Variants in FAM217A observed in about 807,000 individuals in gnomAD.
FAM217A encodes protein FAM217A.
A neutral mutation model predicts 18.5 loss-of-function variants in FAM217A; 13 were observed. The observed-to-expected ratio is 0.70, with a 90% confidence interval of 0.46 to 1.12. FAM217A has a LOEUF of 1.12. FAM217A is among the 50% of genes most tolerant of loss of function. FAM217A has a pLI of 0.00. For missense variants in FAM217A, 560 were observed against 575.4 expected (o/e 0.97, Z 0.27); for synonymous variants, 161 against 202.8 (o/e 0.79, Z 1.75).
At chr6:4,077,642 G>A (rs1266756122) in intron 1 of FAM217A, among the ~76,000 whole-genome samples, 194 bp from the exon 2 acceptor site, 1 of 151,598 alleles carries the variant, frequency 6.6e-6, no homozygotes, top group Non-Finnish European at 1.5e-5. Flanking sequence ...CTCAAAAGGA[G>A]CACAGACAAC....
At chr6:4,080,911 CAA>C (rs11300347), upstream of FAM217A, among the ~76,000 whole-genome samples, 76 of 136,906 alleles carry the variant, frequency 5.6e-4, no homozygotes, top group African/African-American at 7.7e-4. Flanking sequence ...AGAAAAAATA[CAA>C]AAAAAAAAAA....
intron 2 of FAM217A, among the ~76,000 whole-genome samples, chr6:4,076,146 T>G (rs1291168690): frequency 6.6e-6 from 1 of 151,920 alleles, no homozygotes; most frequent in Non-Finnish European, 1.5e-5. Flanking sequence ...CTGGCCAACA[T>G]GTCGAAACCC....
In FAM217A at chr6:4,069,764, A is replaced by G. The variant is rs1769281640; in HGVS notation, c.459T>C (p.Tyr153=). ...LPMPLGLCWP[Y]ADGDFFKNRN... The stretch of plus-strand genomic sequence containing the variant: ...TGTTCTTAAAAAAGTCTCCATCAGC[A>G]TAGGGCCAGCAGAGACCTAATGGCA... The change falls in exon 7 of 7, where the codon TAT becomes TAC. Residue 153 remains tyrosine, a synonymous_variant. Transcript: ENST00000274673. The G allele has an allele frequency of 2.5e-6, 4 of 1,614,076 alleles. No individual in the cohort carries two copies. The South Asian group carries it at 4.4e-5, about 18-fold the overall frequency.
Position 4,068,853 on chromosome 6 carries a change from T to A in FAM217A, c.1370A>T (p.Glu457Val). The A allele has an allele frequency of 6.2e-7, 1 of 1,614,192 alleles. No individual in the cohort carries two copies. Among genetic ancestry groups the A allele is most frequent in the Non-Finnish European group, 8.5e-7 (1 of 1,180,006 alleles). The stretch of plus-strand genomic sequence containing the variant: ...GTTTCTCTTCGGTGCCTTAATTTCT[T>A]CCTTCTGATTTTCGGGAAAAGTCAG... ...IPLTFPENQK[E>V]EIKAPKRNFG... is the part of the protein sequence containing the mutation. The change falls in exon 7 of 7, where the codon GAA becomes GTA. Residue 457 changes from glutamate to valine, a missense_variant. By Grantham distance (121) the Glu-to-Val change is moderately radical (BLOSUM62 -2). Coordinates refer to ENST00000274673, the MANE Select transcript of FAM217A (RefSeq NM_173563.3).
chr6:4,078,010 C>CA (rs1769954302), intron 1 of FAM217A, among the ~76,000 whole-genome samples: 1 of 150,552 alleles, frequency 6.6e-6, no homozygotes, highest in African/African-American at 2.4e-5. Flanking sequence ...ACAAGCAAAA[C>CA]AGTCACTGGA....
intron 4 of FAM217A, among the ~76,000 whole-genome samples, 157 bp from the exon 5 acceptor site, chr6:4,073,664 C>T (rs1769568977): frequency 1.3e-5 from 2 of 152,102 alleles, no homozygotes; most frequent in Admixed American, 6.5e-5. Context: ...CTGATTTCAG[C>T]AGAAATTAGT....
chr6:4,069,339 C>G lies in FAM217A; in HGVS notation c.884G>C (p.Arg295Pro), dbSNP rs1769238721. 1.9e-6 allele frequency: 3 copies of G among 1,613,776 alleles called. No individual in the cohort carries two copies. Among genetic ancestry groups the G allele is most frequent in the South Asian group, 2.2e-5 (2 of 91,054 alleles). ...HLITRLLELE[R>P]LQHMTIQKER... ...TTTTTGAATAGTCATATGTTGTAAT[C>G]GTTCTAGTTCCAGTAAACGAGTTAT... The change falls in exon 7 of 7, where the codon CGA becomes CCA. Residue 295 changes from arginine to proline, a missense_variant. Transcript: ENST00000274673.
chr6:4,073,425 A>T lies in FAM217A; in HGVS notation c.234+8T>A. The stretch of plus-strand genomic sequence containing the variant: ...AATATTTTAAGGGTATGAAGAATAA[A>T]ATCCCACCTGTGTACTTTTTTGACT... On this transcript the variant is annotated splice_region_variant and intron_variant, in intron 5 of 6. Coordinates refer to ENST00000274673, the MANE Select transcript of FAM217A (RefSeq NM_173563.3). 1 of 1,611,056 alleles carries T rather than the reference A, an allele frequency of 6.2e-7. No homozygotes were observed. Among genetic ancestry groups the T allele is most frequent in the South Asian group, 1.1e-5 (1 of 90,394 alleles).
intron 1 of FAM217A, among the ~76,000 whole-genome samples, chr6:4,077,856 G>A (rs1769940556): frequency 6.6e-6 from 1 of 152,042 alleles, no homozygotes; most frequent in Non-Finnish European, 1.5e-5. Context: ...TTACAACTAG[G>A]CCAGGCAAGC....
chr6:4,068,955 G>T lies in FAM217A; in HGVS notation c.1268C>A (p.Thr423Lys). The T allele has an allele frequency of 6.2e-7, 1 of 1,614,110 alleles. No homozygotes were observed. The highest frequency in any genetic ancestry group is 8.5e-7 in the Non-Finnish European group (1 of 1,179,996). ...GACCATTTTAACCATTGATTGATTT[G>T]TATGGCCAATAGTAGGTTTGAATGA... ...ELSFKPTIGH[T>K]NQSMVKMVST... Residue 423 changes from threonine (T) to lysine (K), a missense_variant, in exon 7 of 7, where the codon ACA becomes AAA. Coordinates refer to ENST00000274673, the MANE Select transcript of FAM217A (RefSeq NM_173563.3).
At chr6:4,087,032 T>G, upstream of FAM217A, 1 of 399,136 alleles carries the variant, frequency 2.5e-6, no homozygotes, top group Non-Finnish European at 4.4e-6. Context: ...GGGCATTTCC[T>G]CAGTTTTGGA....
chr6:4,085,755 T>C (rs1052882188), intron 1 of FAM217A, among the ~76,000 whole-genome samples: 11 of 152,324 alleles, frequency 7.2e-5, no homozygotes, highest in African/African-American at 2.2e-4. Flanking sequence ...TTTAAATATG[T>C]ACTTGCATTT....
intron 1 of FAM217A, among the ~76,000 whole-genome samples, chr6:4,078,332 G>A (rs751208360): frequency 6.6e-6 from 1 of 152,144 alleles, no homozygotes; most frequent in Non-Finnish European, 1.5e-5. Context: ...GATTACAGGC[G>A]TGATCCACTG....
chr6:4,068,763 T>C lies in FAM217A; in HGVS notation c.1460A>G (p.Lys487Arg), dbSNP rs1159006458. ...IVLNRPFSIQ[K>R]LNCLSPSLIA... ...AAGGGAAGGCGACAAACAGTTTAGC[T>C]TCTGAATAGAGAATGGTCTATTCAA... The change falls in exon 7 of 7, where the codon AAG becomes AGG. Residue 487 changes from lysine to arginine, a missense_variant. Physicochemically the swap from Lys to Arg is conservative, Grantham distance 26. Transcript: ENST00000274673. 6.2e-7 allele frequency: 1 copy of C among 1,613,744 alleles called. No individual in the cohort carries two copies. The highest frequency in any genetic ancestry group is 1.7e-5 in the Admixed American group (1 of 59,956).
chr6:4,077,342 G>A lies in FAM217A; in HGVS notation c.60+13C>T, dbSNP rs1432418489. The stretch of plus-strand genomic sequence containing the variant: ...GCTGCCCAAACACTCAAGTTCAACA[G>A]CGCCTGCCATACCTCCTGAGAGATG... On this transcript the variant is annotated intron_variant, in intron 2 of 6. Transcript: ENST00000274673. 1 of 1,614,118 alleles carries A rather than the reference G, an allele frequency of 6.2e-7. No individual in the cohort carries two copies. The highest frequency in any genetic ancestry group is 1.7e-5 in the Admixed American group (1 of 60,010).
rs766777181 is a variant in FAM217A at position 4,069,036 on chromosome 6, A to G, written c.1187T>C (p.Ile396Thr). Residue 396 changes from isoleucine to threonine, a missense_variant, in exon 7 of 7, where the codon ATT becomes ACT. Physicochemically the swap from Ile to Thr is moderately conservative, Grantham distance 89. Transcript: ENST00000274673. ...LKSSSTPKQL[I>T]ETYDKNPKSS... ...TTTGGGATTCTTATCATAAGTTTCA[A>G]TCAATTGTTTTGGGGTGGAAGAACT... 3 of 1,613,950 alleles carry G rather than the reference A, an allele frequency of 1.9e-6. No homozygotes were observed. Among genetic ancestry groups the G allele is most frequent in the Non-Finnish European group, 2.5e-6 (3 of 1,179,978 alleles).
chr6:4,078,981 GA>G lies in FAM217A; in HGVS notation c.-165del. 1 of 497,870 alleles carries G rather than the reference GA, an allele frequency of 2.0e-6. No individual in the cohort carries two copies. Among genetic ancestry groups the G allele is most frequent in the Non-Finnish European group, 3.5e-6 (1 of 282,822 alleles). 30.8% of individuals were successfully genotyped at this position (497,870 alleles called of 1,614,324 possible). A position where few individuals can be genotyped will look rare whatever the true frequency, so the allele number is the denominator to read the frequency against. ...TGCCGCGGCCTTCCTGCAGCGGGGGGACAAAGAGGGCGGCGGGCGGCTGGCG... is the reference window on the plus strand; with the variant it reads ...TGCCGCGGCCTTCCTGCAGCGGGGGGCAAAGAGGGCGGCGGGCGGCTGGCG... On this transcript the variant is annotated 5_prime_UTR_variant, in exon 1 of 7. Transcript: ENST00000274673.
At chr6:4,084,728 T>C (rs1000428451) in exon 2 of FAM217A, 12 of 702,882 alleles carry the variant, frequency 1.7e-5, no homozygotes, top group African/African-American at 1.4e-4. Flanking sequence ...ACTGAACACC[T>C]TGCCTTCTGG....
At chr6:4,077,269 A>G in intron 2 of FAM217A, 86 bp downstream of exon 2, 2 of 1,338,936 alleles carry the variant, frequency 1.5e-6, no homozygotes, top group East Asian at 2.3e-5. Flanking sequence ...CAGCAAGGGC[A>G]TCACTACAAG....
Sources: gnomAD v4.1 joint callset for allele counts (sites outside exome capture counted in the v4.1 genomes callset) on GRCh38, gnomAD v4.1.1 for gene constraint, MANE v1.5 for transcripts, NCBI Gene and HGNC (gene_info 2026-07-23, HGNC 2026-07-21) for gene names.